KCNN2: variants seen among roughly 807,000 people sequenced by gnomAD.
KCNN2 encodes potassium calcium-activated channel subfamily N member 2.
KCNN2 carries 24 observed loss-of-function variants against 55.5 expected under a neutral mutation model. The observed-to-expected ratio is 0.43, with a 90% CI of 0.31 to 0.61. The LOEUF (loss-of-function observed/expected upper bound fraction) is 0.61, where lower values mean the gene tolerates loss of function less well. KCNN2 is among the 20% of genes least tolerant of loss of function. The probability of loss-of-function intolerance (pLI) is 0.08; values close to 1 mark genes in which losing one functional copy is unlikely to be tolerated. For missense variants in KCNN2, 754 were observed against 853.6 expected, an observed-to-expected ratio of 0.88 and a Z score of 1.45; for synonymous variants, 431 against 336.1, an observed-to-expected ratio of 1.28 and a Z score of -3.09.
chr5:114,288,094 A>G (rs1755792327), intron 2 of KCNN2, among the ~76,000 whole-genome samples: 1 of 152,180 alleles, frequency 6.6e-6, no homozygotes, highest in South Asian at 2.1e-4. Flanking sequence ...ATGATGTTAT[A>G]CAACGTGTGC....
At chr5:114,221,389 T>G (rs2112592925) in intron 1 of KCNN2, among the ~76,000 whole-genome samples, 1 of 152,256 alleles carries the variant, frequency 6.6e-6, no homozygotes, top group Admixed American at 6.5e-5. Context: ...AGGAAAAAAC[T>G]CAACCTCAGA....
At chr5:114,385,903 G>A (rs1002500903) in intron 2 of KCNN2, among the ~76,000 whole-genome samples, 1 of 152,024 alleles carries the variant, frequency 6.6e-6, no homozygotes, top group African/African-American at 2.4e-5. Flanking sequence ...TTAAGGCCGG[G>A]CGCAGTGGTT....
chr5:114,220,230 C>G (rs77970796), intron 1 of KCNN2, among the ~76,000 whole-genome samples: 10,198 of 152,140 alleles, frequency 0.067, 1,112 homozygotes, highest in African/African-American at 0.23. Flanking sequence ...ATGTGTATTT[C>G]AAACTTCTAA....
In KCNN2 at chr5:114,362,193, GC is replaced by G; in HGVS notation, c.56del (p.Pro19ArgfsTer109). On this transcript the variant is annotated frameshift_variant, in exon 1 of 8. Transcript: ENST00000673685. LOFTEE classifies it high-confidence loss of function. ...GCTTCTTCCCAGAGCAGCCGCCGCC[GC>G]CGCCGCGCTCCTCACACCTGCATTG... ...RGFFPEQPPP[P>X]PRSSHLHCQQ... The G allele has an allele frequency of 5.8e-6, 1 of 171,160 alleles. No individual in the cohort carries two copies. The highest frequency in any genetic ancestry group is 1.2e-5 in the Non-Finnish European group (1 of 81,626). 10.6% of individuals were successfully genotyped at this position (171,160 alleles called of 1,614,324 possible).
At chr5:114,117,830 T>G (rs531302377) in intron 1 of KCNN2, among the ~76,000 whole-genome samples, 4 of 152,224 alleles carry the variant, frequency 2.6e-5, no homozygotes, top group Non-Finnish European at 5.9e-5. Context: ...ATTTAATCCC[T>G]TGATCTTCAG....
chr5:114,456,146 T>C (rs561475548), intron 3 of KCNN2, among the ~76,000 whole-genome samples: 2 of 152,302 alleles, frequency 1.3e-5, no homozygotes, highest in South Asian at 4.1e-4. Context: ...GTGGAGAAGT[T>C]AATGCCTGGC....
intron 1 of KCNN2, among the ~76,000 whole-genome samples, chr5:114,084,724 A>G (rs1210375532): frequency 6.6e-6 from 1 of 151,966 alleles, no homozygotes; most frequent in Non-Finnish European, 1.5e-5. Context: ...GTGTTTATCT[A>G]AAAAGTCATC....
chr5:114,118,783 A>G (rs1312078823), intron 1 of KCNN2, among the ~76,000 whole-genome samples: 1 of 152,166 alleles, frequency 6.6e-6, no homozygotes, highest in African/African-American at 2.4e-5. Context: ...GATGCCTATG[A>G]TTTGTTAAGC....
chr5:114,141,853 A>G (rs905068286), intron 1 of KCNN2, among the ~76,000 whole-genome samples: 27 of 151,934 alleles, frequency 1.8e-4, no homozygotes, highest in African/African-American at 5.8e-4. Context: ...TCTCATTGTG[A>G]TTTTGATTTG....
At chr5:114,063,311 C>T (rs1047991435) in intron 1 of KCNN2, among the ~76,000 whole-genome samples, 1 of 152,236 alleles carries the variant, frequency 6.6e-6, no homozygotes, top group Non-Finnish European at 1.5e-5. Flanking sequence ...TTGATTGACT[C>T]ATCCTGCTAT....
chr5:114,332,748 C>T (rs1467586291), intron 2 of KCNN2, among the ~76,000 whole-genome samples: 1 of 152,156 alleles, frequency 6.6e-6, no homozygotes, highest in Non-Finnish European at 1.5e-5. Flanking sequence ...AGCTGAAAGC[C>T]AGGGAGGGGA....
In KCNN2 at chr5:114,144,870, A is replaced by G. The variant is rs367806503; in HGVS notation, c.-270-76610A>G. Among the ~76,000 whole-genome samples, 4 of 151,250 alleles carry G rather than the reference A, an allele frequency of 2.6e-5. No homozygotes were observed. In the East Asian group the frequency reaches 7.8e-4, roughly 29 times the overall value. ...GGGGACATTAGTGATGGGGGGGTAT[A>G]AGTCCTCATAATCTTTACTGTCCCA... is the stretch of plus-strand genomic sequence containing the variant. On this transcript the variant is annotated intron_variant, in intron 1 of 10. Transcript: ENST00000512097.
At chr5:114,178,777 G>C (rs189532197) in intron 1 of KCNN2, among the ~76,000 whole-genome samples, 2 of 152,244 alleles carry the variant, frequency 1.3e-5, no homozygotes, top group Admixed American at 1.3e-4. Flanking sequence ...GGTTTCATTT[G>C]TCATTTTGCT....
intron 3 of KCNN2, among the ~76,000 whole-genome samples, chr5:114,426,059 G>C (rs982443408): frequency 6.6e-6 from 1 of 151,750 alleles, no homozygotes; most frequent in African/African-American, 2.4e-5. Context: ...GCACATACCT[G>C]TAGTCCCAGC....
rs77230453 is a variant in KCNN2, at chr5:114,272,413, C to CACACATATATGTATGTACATA, written c.-185+50848_-185+50849insACACATATATGTATGTACATA. Among the ~76,000 whole-genome samples the CACACATATATGTATGTACATA allele has an allele frequency of 1.4e-3, 32 of 23,310 alleles. 1 individual carries two copies. Among genetic ancestry groups the CACACATATATGTATGTACATA allele is most frequent in the African/African-American group, 2.1e-3 (29 of 14,080 alleles). 15.3% of individuals were successfully genotyped at this position (23,310 alleles called of 152,430 possible). A position where few individuals can be genotyped will look rare whatever the true frequency, so the allele number is the denominator to read the frequency against. On this transcript the variant is annotated intron_variant, in intron 2 of 10. Transcript: ENST00000512097. ...TACACACATATATGTATGTACATAT[C>CACACATATATGTATGTACATA]TACACACATATGTACGTACATATCA...
At chr5:114,213,318 A>C (rs183765477) in intron 1 of KCNN2, among the ~76,000 whole-genome samples, 56 of 151,516 alleles carry the variant, frequency 3.7e-4, no homozygotes, top group Admixed American at 1.4e-3. Flanking sequence ...GAGATTTAAA[A>C]ATCTATAAAA....
At chr5:114,121,085 G>T (rs1580531859) in intron 1 of KCNN2, among the ~76,000 whole-genome samples, 1 of 152,220 alleles carries the variant, frequency 6.6e-6, no homozygotes, top group Non-Finnish European at 1.5e-5. Flanking sequence ...TCCAGTCAGG[G>T]TGTCCTGAAC....
At chr5:114,477,832 T>C (rs923010457) in intron 5 of KCNN2, among the ~76,000 whole-genome samples, 5 of 152,210 alleles carry the variant, frequency 3.3e-5, no homozygotes, top group Non-Finnish European at 7.3e-5. Context: ...TAATTATACA[T>C]ATTAATGTCC....
Position 114,333,368 on chromosome 5 carries a change from G to A in KCNN2, c.-184-27577G>A, listed in dbSNP as rs369360549. 2.1e-3 allele frequency among the ~76,000 whole-genome samples: 320 copies of A among 152,224 alleles called. 2 individuals carry two copies. Among genetic ancestry groups the A allele is most frequent in the Admixed American group, 8.7e-3 (133 of 15,292 alleles). On this transcript the variant is annotated intron_variant, in intron 2 of 10. Transcript: ENST00000512097. ...TATGTTCTGCATTTCATTCTGCCGT[G>A]TTCTCTCTTATTGTTTATATTGAAG...
Sources: gnomAD v4.1 joint callset for allele counts (sites outside exome capture counted in the v4.1 genomes callset) on GRCh38, gnomAD v4.1.1 for gene constraint, MANE v1.5 for transcripts, NCBI Gene and HGNC (gene_info 2026-07-23, HGNC 2026-07-21) for gene names.